SOX5: variants seen among roughly 807,000 people sequenced by gnomAD.
SOX5 encodes the protein SRY-box transcription factor 5.
In SOX5, 9 loss-of-function variants were observed where a neutral mutation model predicts 92.0. That is an observed-to-expected ratio of 0.10 (90% CI 0.06 to 0.17). SOX5 has a LOEUF of 0.17. SOX5 is among the 10% of genes least tolerant of loss of function. SOX5 has a pLI of 1.00. For synonymous variants in SOX5, 344 were observed against 336.3 expected (o/e 1.02, Z -0.25); for missense variants, 642 against 944.5 (o/e 0.68, Z 4.20).
chr12:24,269,488 G>A (rs1943417724), intron 3 of SOX5, among the ~76,000 whole-genome samples: 1 of 151,972 alleles, frequency 6.6e-6, no homozygotes, highest in South Asian at 2.1e-4. Flanking sequence ...TGTTGGTTTT[G>A]GTCAATTCAG....
At chr12:23,586,140 G>A (rs898851377) in intron 9 of SOX5, among the ~76,000 whole-genome samples, 4 of 151,984 alleles carry the variant, frequency 2.6e-5, no homozygotes, top group Non-Finnish European at 5.9e-5. Context: ...AACCCACTCC[G>A]TGTGTATGTG....
intron 4 of SOX5, among the ~76,000 whole-genome samples, chr12:24,197,111 A>G (rs537881653): frequency 9.0e-4 from 137 of 152,288 alleles, no homozygotes; most frequent in African/African-American, 3.2e-3. Flanking sequence ...CTCATAACTA[A>G]CTGTTTGTCA....
chr12:24,017,565 A>G (rs1285480480), intron 4 of SOX5, among the ~76,000 whole-genome samples: 1 of 152,080 alleles, frequency 6.6e-6, no homozygotes, highest in Non-Finnish European at 1.5e-5. Context: ...GCGCCCCTGC[A>G]CTCCAGCCTG....
intron 4 of SOX5, among the ~76,000 whole-genome samples, chr12:24,040,415 G>C (rs1424519948): frequency 1.3e-5 from 2 of 152,274 alleles, no homozygotes; most frequent in Non-Finnish European, 2.9e-5. Flanking sequence ...TAGAAACAAA[G>C]TAATTGTAAC....
intron 3 of SOX5, among the ~76,000 whole-genome samples, chr12:24,271,859 C>T (rs942284786): frequency 4.6e-5 from 7 of 152,106 alleles, no homozygotes; most frequent in African/African-American, 1.4e-4. Context: ...TCTGAATTAA[C>T]GGAGCTCAAT....
At chr12:24,390,949 G>A (rs759345424) in intron 1 of SOX5, among the ~76,000 whole-genome samples, 4 of 152,116 alleles carry the variant, frequency 2.6e-5, no homozygotes, top group Non-Finnish European at 5.9e-5. Context: ...ACATCTAGTA[G>A]TGGGACTGCT....
At chr12:24,025,401 G>A (rs536935228) in intron 4 of SOX5, among the ~76,000 whole-genome samples, 3 of 152,190 alleles carry the variant, frequency 2.0e-5, no homozygotes, top group African/African-American at 7.2e-5. Context: ...CCAGTCTAGA[G>A]AGAAAGAATT....
intron 4 of SOX5, among the ~76,000 whole-genome samples, chr12:24,212,944 AC>A (rs1958796195): frequency 6.6e-6 from 1 of 152,138 alleles, no homozygotes; most frequent in South Asian, 2.1e-4. Context: ...GATTTTCATG[AC>A]CTGGGTGCTC....
Position 23,531,896 on chromosome 12 carries a change from TGTG to T in SOX5, c.*2320_*2322del, listed in dbSNP as rs1485797175. Reference sequence around the variant, plus strand: ...AAAGAGAAGTAAAATTGTGGGTAAATGTGTGTGTGTGTGTGTATATGTGTGTAT... The same window carrying T: ...AAAGAGAAGTAAAATTGTGGGTAAATTGTGTGTGTGTGTATATGTGTGTAT... On this transcript the variant is annotated 3_prime_UTR_variant, in exon 15 of 15. Transcript: ENST00000451604. The T allele has an allele frequency of 6.8e-6, 1 of 147,368 alleles. No homozygotes were observed. 9.1% of individuals were successfully genotyped at this position (147,368 alleles called of 1,614,324 possible). A position where few individuals can be genotyped will look rare whatever the true frequency, so the allele number is the denominator to read the frequency against.
intron 1 of SOX5, among the ~76,000 whole-genome samples, chr12:24,459,859 A>C (rs1943431642): frequency 6.6e-6 from 1 of 152,204 alleles, no homozygotes; most frequent in South Asian, 2.1e-4. Flanking sequence ...TATTTCAGGG[A>C]AACATTAAGA....
chr12:24,212,840 T>C lies in SOX5; in HGVS notation c.-2+503A>G, dbSNP rs1295703730. 2.0e-5 allele frequency among the ~76,000 whole-genome samples: 3 copies of C among 152,334 alleles called. No homozygotes were observed. The East Asian group carries it at 5.8e-4, about 29-fold the overall frequency. On this transcript the variant is annotated intron_variant, in intron 4 of 4. Transcript: ENST00000446891. ...GGTAGTCAATATTCTCTGGTTACTA[T>C]TAGCGTTGGCAAACAGATTGACTCT...
intron 1 of SOX5, among the ~76,000 whole-genome samples, chr12:23,906,867 G>A (rs1178835818): frequency 6.6e-6 from 1 of 151,466 alleles, no homozygotes; most frequent in African/African-American, 2.4e-5. Context: ...AAAATCAGAA[G>A]CCTTTTGGAT....
At chr12:23,996,221 A>C (rs1485730315) in intron 4 of SOX5, among the ~76,000 whole-genome samples, 1 of 152,192 alleles carries the variant, frequency 6.6e-6, no homozygotes, top group Non-Finnish European at 1.5e-5. Context: ...TCTAGCTTAA[A>C]ATGTGAAGAA....
intron 2 of SOX5, among the ~76,000 whole-genome samples, chr12:24,346,989 G>T (rs1438715339): frequency 2.0e-5 from 3 of 152,096 alleles, no homozygotes; most frequent in African/African-American, 7.2e-5. Flanking sequence ...TAACAAACCT[G>T]CACGTTGTGC....
chr12:24,358,155 G>A (rs1406138335), intron 2 of SOX5, among the ~76,000 whole-genome samples: 1 of 152,196 alleles, frequency 6.6e-6, no homozygotes, highest in Non-Finnish European at 1.5e-5. Flanking sequence ...ATGGTTTTCT[G>A]AGTTTCTTAC....
chr12:24,557,343 T>G lies in SOX5; in HGVS notation c.-251+4986A>C, dbSNP rs551395080. Among the ~76,000 whole-genome samples the G allele has an allele frequency of 1.0e-3, 150 of 147,002 alleles. 1 individual carries two copies. The highest frequency in any genetic ancestry group is 6.5e-3 in the Admixed American group (93 of 14,390). On this transcript the variant is annotated intron_variant, in intron 1 of 4. Transcript: ENST00000446891. The stretch of plus-strand genomic sequence containing the variant: ...GCGGAGGGTTCAACATCCCTCCGCC[T>G]GTGGACCAACATAGCGCCACTGCAC...
At chr12:24,325,895 C>T (rs576333) in intron 2 of SOX5, among the ~76,000 whole-genome samples, 17,892 of 152,194 alleles carry the variant, frequency 0.12, 1,411 homozygotes, top group Non-Finnish European at 0.17. Flanking sequence ...GTTGCGCACA[C>T]GTGCACGCGC....
chr12:23,931,201 T>A (rs113265043), intron 1 of SOX5, among the ~76,000 whole-genome samples: 2 of 151,852 alleles, frequency 1.3e-5, no homozygotes, highest in African/African-American at 2.4e-5. Context: ...TATTAGTTAC[T>A]GCAAATATTG....
At chr12:24,519,233 A>C (rs1950061812) in intron 1 of SOX5, among the ~76,000 whole-genome samples, 2 of 152,082 alleles carry the variant, frequency 1.3e-5, no homozygotes, top group South Asian at 2.1e-4. Flanking sequence ...TTTACTGAGC[A>C]CTCTTCTAAG....
Sources: allele counts gnomAD v4.1 joint callset (sites outside exome capture counted in the v4.1 genomes callset), GRCh38; gene constraint gnomAD v4.1.1; transcripts MANE v1.5; gene names NCBI Gene and HGNC (gene_info 2026-07-23, HGNC 2026-07-21).